MARCHF1: variants seen among roughly 807,000 people sequenced by gnomAD.
The protein encoded by MARCHF1 is E3 ubiquitin-protein ligase MARCHF1.
MARCHF1 carries 40 observed loss-of-function variants against 54.2 expected under a neutral mutation model. That is an observed-to-expected ratio of 0.74 (90% CI 0.57 to 0.96). The LOEUF is 0.96. MARCHF1 is among the 40% of genes least tolerant of loss of function. The pLI, the probability that MARCHF1 is intolerant of heterozygous loss-of-function variation, is 0.00. For synonymous variants in MARCHF1, 236 were observed against 236.3 expected (o/e 1.00, Z 0.01); for missense variants, 586 against 656.5 (o/e 0.89, Z 1.17).
In MARCHF1 at chr4:164,093,345, T is replaced by C. The variant is rs6846662; in HGVS notation, c.-248+18243A>G. On this transcript the variant is annotated intron_variant, in intron 2 of 9. Transcript: ENST00000514618. ...AGAAGACAGTAAGATACTCTTCATT[T>C]TTATAAAAATGGATTTTATCATACG... Among the ~76,000 whole-genome samples the C allele has an allele frequency of 6.7e-3, 1,022 of 152,290 alleles. 15 individuals are homozygous for C. Among genetic ancestry groups the C allele is most frequent in the African/African-American group, 0.023 (960 of 41,560 alleles).
rs184427729 is a variant in MARCHF1, at chr4:163,878,577, T to C, written c.-38-24408A>G. Among the ~76,000 whole-genome samples the C allele has an allele frequency of 1.8e-4, 27 of 152,326 alleles. 1 individual carries two copies. In the East Asian group the frequency reaches 5.0e-3, roughly 28 times the overall value. ...TTTTGGAATTTAGGCTAAAACTCAGTGCATGACCTTAAATCCAGCAGCACT... is the reference window on the plus strand; with the variant it reads ...TTTTGGAATTTAGGCTAAAACTCAGCGCATGACCTTAAATCCAGCAGCACT... On this transcript the variant is annotated intron_variant, in intron 3 of 9. Coordinates refer to ENST00000514618, the MANE Select transcript of MARCHF1 (RefSeq NM_001394959.1).
At chr4:163,609,414 A>G (rs1223241706) in intron 7 of MARCHF1, among the ~76,000 whole-genome samples, 2 of 151,880 alleles carry the variant, frequency 1.3e-5, no homozygotes, top group African/African-American at 4.8e-5. Context: ...AAACTCTGAG[A>G]TTGTCCTCAT....
At chr4:163,725,534 A>T (rs1009755887) in intron 4 of MARCHF1, among the ~76,000 whole-genome samples, 3 of 152,162 alleles carry the variant, frequency 2.0e-5, no homozygotes, top group Non-Finnish European at 4.4e-5. Flanking sequence ...ATGAACAAAA[A>T]AAGTATGGTA....
intron 4 of MARCHF1, among the ~76,000 whole-genome samples, chr4:163,762,172 G>C (rs73870031): frequency 0.029 from 4,431 of 152,054 alleles, 144 homozygotes; most frequent in African/African-American, 0.076. Flanking sequence ...TTGTATTTCT[G>C]AAAACAGGGT....
At chr4:163,578,918 A>G (rs1459075365) in intron 8 of MARCHF1, among the ~76,000 whole-genome samples, 1 of 152,196 alleles carries the variant, frequency 6.6e-6, no homozygotes, top group Non-Finnish European at 1.5e-5. Context: ...TCTCAGAACA[A>G]TCATTCAGAA....
intron 5 of MARCHF1, among the ~76,000 whole-genome samples, chr4:163,674,609 T>A (rs1361037051): frequency 6.6e-6 from 1 of 152,166 alleles, no homozygotes; most frequent in Non-Finnish European, 1.5e-5. Context: ...CCACCCCTAG[T>A]GCCAGTGACT....
At chr4:164,344,664 G>C (rs1226928037) in intron 1 of MARCHF1, among the ~76,000 whole-genome samples, 2 of 152,098 alleles carry the variant, frequency 1.3e-5, no homozygotes, top group Non-Finnish European at 2.9e-5. Flanking sequence ...ATCCTTAAAG[G>C]ACTAGCATTC....
intron 1 of MARCHF1, among the ~76,000 whole-genome samples, chr4:164,115,464 C>T (rs914111820): frequency 5.3e-5 from 8 of 151,844 alleles, no homozygotes; most frequent in African/African-American, 1.2e-4. Context: ...TTTATGAGAG[C>T]GATAATGGAA....
At chr4:163,725,477 C>G (rs62332964) in intron 4 of MARCHF1, among the ~76,000 whole-genome samples, 1 of 131,100 alleles carries the variant, frequency 7.6e-6, no homozygotes, top group Non-Finnish European at 1.6e-5. Flanking sequence ...GACACTATCT[C>G]CAAAAAAAAA....
chr4:164,272,434 A>T (rs1429509980), intron 1 of MARCHF1, among the ~76,000 whole-genome samples: 2 of 152,162 alleles, frequency 1.3e-5, no homozygotes, highest in African/African-American at 2.4e-5. Flanking sequence ...TATAGCCGTT[A>T]AAATAAATCA....
chr4:164,349,998 T>C (rs1284722645), intron 1 of MARCHF1, among the ~76,000 whole-genome samples: 1 of 152,222 alleles, frequency 6.6e-6, no homozygotes, highest in Non-Finnish European at 1.5e-5. Flanking sequence ...AGTTTCTTCA[T>C]TACAAAATTG....
chr4:164,373,352 CTTTTTTTTT>C (rs5863683), intron 1 of MARCHF1, among the ~76,000 whole-genome samples: 2 of 91,616 alleles, frequency 2.2e-5, no homozygotes, highest in African/African-American at 4.2e-5. Flanking sequence ...TGAAAAACTA[CTTTTTTTTT>C]TTTTTTTTTT....
intron 4 of MARCHF1, among the ~76,000 whole-genome samples, chr4:163,784,792 G>C (rs1234223483): frequency 6.6e-6 from 1 of 152,066 alleles, no homozygotes; most frequent in Non-Finnish European, 1.5e-5. Context: ...TATGCATGCT[G>C]TCCTAGTAAT....
chr4:164,013,946 GGATGCAGGTGGATCAT>G (rs1202933915), intron 2 of MARCHF1, among the ~76,000 whole-genome samples: 5 of 152,048 alleles, frequency 3.3e-5, no homozygotes, highest in Admixed American at 6.6e-5. Flanking sequence ...AGGTGGATCA[GGATGCAGGTGGATCAT>G]GATGCAGGTG....
At chr4:164,138,074 C>G (rs1756438402) in intron 1 of MARCHF1, among the ~76,000 whole-genome samples, 1 of 152,130 alleles carries the variant, frequency 6.6e-6, no homozygotes, top group African/African-American at 2.4e-5. Context: ...CAAATTATCA[C>G]AGTGGACCCC....
At chr4:163,616,536 A>ATCAAAGCCACAGTGAGATGTTATC (rs1299391266) in intron 5 of MARCHF1, among the ~76,000 whole-genome samples, 6 of 152,106 alleles carry the variant, frequency 3.9e-5, no homozygotes, top group African/African-American at 1.4e-4. Flanking sequence ...AGAACTGTAA[A>ATCAAAGCCACAGTGAGATGTTATC]TCAAAGCCAC....
intron 1 of MARCHF1, among the ~76,000 whole-genome samples, chr4:164,160,117 TA>T (rs1730191648): frequency 6.6e-6 from 1 of 152,206 alleles, no homozygotes; most frequent in Non-Finnish European, 1.5e-5. Flanking sequence ...GGATAAAGTA[TA>T]ATGGTTTTAT....
chr4:163,549,659 G>C (rs952161497), intron 8 of MARCHF1, among the ~76,000 whole-genome samples: 1 of 146,218 alleles, frequency 6.8e-6, no homozygotes, highest in African/African-American at 2.5e-5. Context: ...TTTGGTGCCT[G>C]TTTTACTGTT....
chr4:164,189,960 C>A, intron 1 of MARCHF1: 3 of 1,535,410 alleles, frequency 2.0e-6, no homozygotes, highest in Non-Finnish European at 2.7e-6. Flanking sequence ...TACCAATGAC[C>A]AGAATCACCT....
Sources: allele counts gnomAD v4.1 joint callset (sites outside exome capture counted in the v4.1 genomes callset), GRCh38; gene constraint gnomAD v4.1.1; transcripts MANE v1.5; gene names NCBI Gene and HGNC (gene_info 2026-07-23, HGNC 2026-07-21).